The following MAP3K7CL variants were observed in gnomAD, a reference collection of about 807,000 sequenced individuals.
The protein encoded by MAP3K7CL is MAP3K7 C-terminal-like protein.
Under a neutral mutation model 18.6 loss-of-function variants are expected in MAP3K7CL, and 16 were observed. That is an observed-to-expected ratio of 0.86 (90% confidence interval 0.58 to 1.31). The LOEUF is 1.31. Among genes scored for constraint, MAP3K7CL ranks in the 50% most tolerant of loss-of-function variants. MAP3K7CL has a pLI of 0.00. For synonymous variants in MAP3K7CL, 65 were observed against 66.8 expected (o/e 0.97, Z 0.13); for missense variants, 163 against 174.4 (o/e 0.93, Z 0.37).
At chr21:29,114,268 C>A (rs1390433028) in intron 4 of MAP3K7CL, among the ~76,000 whole-genome samples, 2 of 152,030 alleles carry the variant, frequency 1.3e-5, no homozygotes, top group Non-Finnish European at 2.9e-5. Flanking sequence ...AGGGTTTCGC[C>A]ATGTTGACCA....
intron 2 of MAP3K7CL, among the ~76,000 whole-genome samples, chr21:29,136,132 T>C (rs564159867): frequency 3.3e-5 from 5 of 152,336 alleles, no homozygotes; most frequent in East Asian, 3.9e-4. Context: ...ATATCACAAA[T>C]GCAAGATTTC....
At chr21:29,081,021 G>T (rs1039015041), upstream of MAP3K7CL, among the ~76,000 whole-genome samples, 4 of 151,214 alleles carry the variant, frequency 2.6e-5, no homozygotes, top group African/African-American at 9.7e-5. Context: ...ATTGTGGCTC[G>T]CCCAGACTTG....
chr21:29,161,394 C>G (rs1263114072), intron 4 of MAP3K7CL, among the ~76,000 whole-genome samples: 1 of 152,116 alleles, frequency 6.6e-6, no homozygotes, highest in Non-Finnish European at 1.5e-5. Context: ...AAGCAATCCT[C>G]CAACCTTGGC....
At position 29,113,890 on chromosome 21, in the gene MAP3K7CL, G is replaced by A. The variant is rs1192359537; in HGVS notation, c.370+21309G>A. ...GTTCAGTGTTGCTCATATGGTTCTG[G>A]TCTGCACTGGGCGAGGGCATTTGGC... is the stretch of plus-strand genomic sequence containing the variant. On this transcript the variant is annotated intron_variant, in intron 4 of 6. Transcript: ENST00000286791. Among the ~76,000 whole-genome samples, 3 of 152,080 alleles carry A rather than the reference G, an allele frequency of 2.0e-5. No homozygotes were observed. The East Asian group carries it at 5.8e-4, about 29-fold the overall frequency.
rs1294665352 is a variant in MAP3K7CL at position 29,175,014 on chromosome 21, T to G, written c.*122T>G. 1 of 931,248 alleles carries G rather than the reference T, an allele frequency of 1.1e-6. No individual in the cohort carries two copies. The highest frequency in any genetic ancestry group is 1.5e-6 in the Non-Finnish European group (1 of 649,034). The allele number at this position is 931,248 out of a possible 1,614,324, so 57.7% of individuals were successfully genotyped here. On this transcript the variant is annotated 3_prime_UTR_variant, in exon 5 of 5. Transcript: ENST00000399928. The stretch of plus-strand genomic sequence containing the variant: ...TTCTCTGTATTACCCACATGACAAC[T>G]GTCTATAATGAGTTTACTGCTTGCC...
At chr21:29,106,123 A>G (rs933868778) in intron 4 of MAP3K7CL, among the ~76,000 whole-genome samples, 13 of 152,196 alleles carry the variant, frequency 8.5e-5, no homozygotes, top group Non-Finnish European at 1.3e-4. Flanking sequence ...AGGAAAAGGC[A>G]TCTTCTTCTG....
At chr21:29,098,560 GT>G (rs1339571552) in intron 4 of MAP3K7CL, among the ~76,000 whole-genome samples, 2 of 152,216 alleles carry the variant, frequency 1.3e-5, no homozygotes, top group African/African-American at 4.8e-5. Context: ...ACTGTGCACC[GT>G]TCTTTCAAAG....
upstream of MAP3K7CL, chr21:29,085,763 G>A: frequency 8.4e-7 from 1 of 1,196,520 alleles, no homozygotes; most frequent in African/African-American, 1.5e-5. Context: ...TTGTTTGAAG[G>A]AATGTTGCGA....
intron 4 of MAP3K7CL, among the ~76,000 whole-genome samples, chr21:29,112,638 T>C (rs2086438479): frequency 6.6e-6 from 1 of 152,146 alleles, no homozygotes; most frequent in South Asian, 2.1e-4. Context: ...GTATATTTTT[T>C]CATTCTGTGT....
At chr21:29,099,669 C>T (rs2086186831) in intron 4 of MAP3K7CL, among the ~76,000 whole-genome samples, 1 of 152,120 alleles carries the variant, frequency 6.6e-6, no homozygotes, top group East Asian at 1.9e-4. Context: ...TTTATTGCAG[C>T]TGGAAGGATC....
At chr21:29,128,393 C>T (rs555958198), upstream of MAP3K7CL, among the ~76,000 whole-genome samples, 4 of 151,992 alleles carry the variant, frequency 2.6e-5, no homozygotes, top group African/African-American at 9.6e-5. Flanking sequence ...AGCTCCGCCT[C>T]CTGGGTTCAC....
At chr21:29,099,099 C>T (rs562101532) in intron 4 of MAP3K7CL, among the ~76,000 whole-genome samples, 42 of 151,742 alleles carry the variant, frequency 2.8e-4, no homozygotes, top group Admixed American at 8.5e-4. Flanking sequence ...CTTTTCTTTT[C>T]TTTTCTTTTT....
intron 3 of MAP3K7CL, among the ~76,000 whole-genome samples, chr21:29,150,432 A>C (rs1375819033): frequency 2.0e-5 from 3 of 152,090 alleles, no homozygotes; most frequent in African/African-American, 7.2e-5. Context: ...CCTCATTCTC[A>C]CCTTTGTAGC....
At chr21:29,117,169 C>A (rs985883713) in intron 4 of MAP3K7CL, among the ~76,000 whole-genome samples, 1 of 151,932 alleles carries the variant, frequency 6.6e-6, no homozygotes, top group Non-Finnish European at 1.5e-5. Context: ...TTATAAGATC[C>A]TTAAATCTCA....
intron 2 of MAP3K7CL, chr21:29,139,260 G>A (rs533829231): frequency 3.9e-5 from 6 of 152,266 alleles, no homozygotes; most frequent in South Asian, 4.1e-4. Context: ...CAGGTGAAGT[G>A]TCTTCTTATT....
chr21:29,149,672 C>T (rs1233531349), intron 3 of MAP3K7CL, among the ~76,000 whole-genome samples: 1 of 152,192 alleles, frequency 6.6e-6, no homozygotes. Flanking sequence ...TGTTCCCTGC[C>T]CCTTCCCCAG....
chr21:29,147,660 G>C (rs2087166323), intron 2 of MAP3K7CL, among the ~76,000 whole-genome samples: 1 of 151,314 alleles, frequency 6.6e-6, no homozygotes. Flanking sequence ...TACTGTATAT[G>C]TATCTGTACT....
At chr21:29,088,405 T>C (rs1402526465) in intron 1 of MAP3K7CL, among the ~76,000 whole-genome samples, 2 of 152,262 alleles carry the variant, frequency 1.3e-5, no homozygotes, top group Non-Finnish European at 2.9e-5. Context: ...CATTACATTT[T>C]CGCACTGTTT....
At position 29,153,805 on chromosome 21, in the gene MAP3K7CL, A is replaced by G. The variant is rs1423651800; in HGVS notation, c.132+4555A>G. ...GTTTGACTTGTCTCTCTCTGTTCTAAAAGATGGTGGCATCCTTTCATGGTC... is the reference window on the plus strand; with the variant it reads ...GTTTGACTTGTCTCTCTCTGTTCTAGAAGATGGTGGCATCCTTTCATGGTC... On this transcript the variant is annotated intron_variant, in intron 3 of 4. Transcript: ENST00000399928. 3.3e-5 allele frequency among the ~76,000 whole-genome samples: 5 copies of G among 152,134 alleles called. No homozygotes were observed. The East Asian group carries it at 7.7e-4, about 23-fold the overall frequency.
Sources: allele counts gnomAD v4.1 joint callset (sites outside exome capture counted in the v4.1 genomes callset), GRCh38; gene constraint gnomAD v4.1.1; transcripts MANE v1.5; gene names NCBI Gene and HGNC (gene_info 2026-07-23, HGNC 2026-07-21).